Variants in RALGAPA1 observed in about 807,000 individuals in gnomAD.
RALGAPA1 encodes ral GTPase-activating protein subunit alpha-1.
Under a neutral mutation model 269.6 loss-of-function variants are expected in RALGAPA1, and 52 were observed. The ratio of observed to expected loss-of-function variants is 0.19; its 90% confidence interval spans 0.15 to 0.24. The LOEUF is 0.24. Among genes scored for constraint, RALGAPA1 ranks in the 10% least tolerant of loss-of-function variants. The pLI is 1.00. For missense variants in RALGAPA1, 1,917 were observed against 3,013.9 expected, an observed-to-expected ratio of 0.64 and a Z score of 8.52; for synonymous variants, 817 against 1,008.3, an observed-to-expected ratio of 0.81 and a Z score of 3.60.
At chr14:35,759,911 CAA>C (rs34611097) in intron 6 of RALGAPA1, among the ~76,000 whole-genome samples, 1,223 of 93,404 alleles carry the variant, frequency 0.013, 11 homozygotes, top group African/African-American at 0.038. Flanking sequence ...GATTCTATCT[CAA>C]AAAAAAAAAA....
intron 13 of RALGAPA1, among the ~76,000 whole-genome samples, chr14:35,725,445 C>A (rs1012252501): frequency 6.6e-6 from 1 of 152,092 alleles, no homozygotes; most frequent in Non-Finnish European, 1.5e-5. Context: ...GTCTCCGCAA[C>A]CACAAATTAA....
chr14:35,699,171 T>A (rs1486520555), intron 17 of RALGAPA1, among the ~76,000 whole-genome samples: 2 of 152,224 alleles, frequency 1.3e-5, no homozygotes, highest in African/African-American at 4.8e-5. Context: ...AATTATATTA[T>A]GGTTCCAAAG....
intron 35 of RALGAPA1, among the ~76,000 whole-genome samples, chr14:35,614,779 G>GA (rs978256645): frequency 6.6e-6 from 1 of 151,430 alleles, no homozygotes; most frequent in Non-Finnish European, 1.5e-5. Context: ...AATTGTGAAA[G>GA]AAAAAAAACT....
chr14:35,584,345 C>A (rs1011482900), intron 37 of RALGAPA1, among the ~76,000 whole-genome samples: 13 of 152,038 alleles, frequency 8.6e-5, no homozygotes, highest in Non-Finnish European at 1.6e-4. Flanking sequence ...CCCACTGCAG[C>A]CTCAACTTCC....
intron 41 of RALGAPA1, chr14:35,541,675 T>C (rs2054013958): frequency 4.4e-6 from 2 of 455,676 alleles, no homozygotes; most frequent in Middle Eastern, 3.3e-4. Flanking sequence ...CAGTAGTAGC[T>C]CATGCTTTTC....
Position 35,700,290 on chromosome 14 carries a change from C to T in RALGAPA1, c.2279G>A (p.Arg760Gln), listed in dbSNP as rs922175994. 15 of 1,521,674 alleles carry T rather than the reference C, an allele frequency of 9.9e-6. No homozygotes were observed. The highest frequency in any genetic ancestry group is 1.2e-5 in the Non-Finnish European group (14 of 1,141,638). 94.3% of individuals were successfully genotyped at this position (1,521,674 alleles called of 1,614,324 possible). ...TGGCAGAGCACATTCACCAATGGAT[C>T]GGCTTCTCATGGCTTTAAAAAAGGA... ...VRQKTVAMRSRSIGECALPSA... is the reference protein window; with the variant it reads ...VRQKTVAMRSQSIGECALPSA... The change falls in exon 17 of 42, where the codon CGA becomes CAA. Residue 760 changes from arginine (R) to glutamine (Q), a missense_variant. Around this residue, in one of 11 missense-constraint regions of RALGAPA1, gnomAD observed 125 missense variants for 155.7 expected, o/e 0.80. Coordinates refer to ENST00000680220, the MANE Select transcript of RALGAPA1 (RefSeq NM_001346249.2).
chr14:35,685,159 A>G lies in RALGAPA1; in HGVS notation c.4078-14T>C. ...TCTTGTCATAGTCTAAACGTTCAAG[A>G]AATATTTTACCATTAAGAAAAAGCT... On this transcript the variant is annotated splice_polypyrimidine_tract_variant and intron_variant, in intron 19 of 41. Transcript: ENST00000680220. 5 of 1,548,288 alleles carry G rather than the reference A, an allele frequency of 3.2e-6. No homozygotes were observed. The highest frequency in any genetic ancestry group is 4.4e-6 in the Non-Finnish European group (5 of 1,145,786).
At chr14:35,628,211 A>G (rs2061109443) in intron 33 of RALGAPA1, among the ~76,000 whole-genome samples, 1 of 152,284 alleles carries the variant, frequency 6.6e-6, no homozygotes, top group Middle Eastern at 3.4e-3. Context: ...CACTTTGAAG[A>G]ATCAGAAGTA....
intron 31 of RALGAPA1, among the ~76,000 whole-genome samples, chr14:35,637,634 T>C (rs1233339844): frequency 6.6e-6 from 1 of 152,076 alleles, no homozygotes; most frequent in South Asian, 2.1e-4. Flanking sequence ...AGGAGATAGA[T>C]TGGGATATAA....
chr14:35,803,684 T>C (rs902465903), intron 1 of RALGAPA1, among the ~76,000 whole-genome samples: 1 of 150,634 alleles, frequency 6.6e-6, no homozygotes, highest in African/African-American at 2.5e-5. Context: ...CAGGCTAGGG[T>C]GCAGTTGCAC....
At chr14:35,706,582 T>C (rs965046256) in intron 16 of RALGAPA1, 1 of 151,950 alleles carries the variant, frequency 6.6e-6, no homozygotes, top group Admixed American at 6.6e-5. Context: ...TCCTTCAATA[T>C]TGTGTTGACT....
intron 1 of RALGAPA1, among the ~76,000 whole-genome samples, chr14:35,800,168 A>G (rs2076867774): frequency 6.6e-6 from 1 of 152,256 alleles, no homozygotes; most frequent in African/African-American, 2.4e-5. Flanking sequence ...TTCTCTCAGT[A>G]CTTGATGAAA....
chr14:35,762,777 A>T, intron 4 of RALGAPA1, 24 bp from the exon 5 acceptor site: 1 of 1,304,386 alleles, frequency 7.7e-7, no homozygotes, highest in Non-Finnish European at 1.1e-6. Context: ...ATGATTTTAA[A>T]TATTCACATC....
chr14:35,791,488 TC>T (rs1484830924), intron 1 of RALGAPA1, among the ~76,000 whole-genome samples: 2 of 151,858 alleles, frequency 1.3e-5, no homozygotes, highest in African/African-American at 4.8e-5. Context: ...GCGCCTGTAA[TC>T]CCAGCAACTC....
intron 10 of RALGAPA1, among the ~76,000 whole-genome samples, chr14:35,747,106 G>A (rs1177177697): frequency 6.6e-6 from 1 of 151,920 alleles, no homozygotes; most frequent in Admixed American, 6.6e-5. Flanking sequence ...TTGAGGCCAG[G>A]AGTTCAAGAC....
In RALGAPA1 at chr14:35,803,198, A is replaced by G. The variant is rs1169026; in HGVS notation, c.106+5532T>C. Among the ~76,000 whole-genome samples, 687 of 152,332 alleles carry G rather than the reference A, an allele frequency of 4.5e-3. 2 individuals carry two copies. The highest frequency in any genetic ancestry group is 0.015 in the African/African-American group (617 of 41,584). On this transcript the variant is annotated intron_variant, in intron 1 of 41. Transcript: ENST00000680220. Reference sequence around the variant, plus strand: ...TAAGAGTCCAGAAATAGGCCCACACATATTTCTGGAAAACTAAATTTTGGC... The same window carrying G: ...TAAGAGTCCAGAAATAGGCCCACACGTATTTCTGGAAAACTAAATTTTGGC...
chr14:35,718,980 C>T lies in RALGAPA1; in HGVS notation c.2266+2708G>A, dbSNP rs184073280. Among the ~76,000 whole-genome samples, 381 of 152,004 alleles carry T rather than the reference C, an allele frequency of 2.5e-3. 1 individual carries two copies. The highest frequency in any genetic ancestry group is 8.6e-3 in the African/African-American group (358 of 41,474). On this transcript the variant is annotated intron_variant, in intron 16 of 41. Transcript: ENST00000680220. Reference sequence around the variant, plus strand: ...TCAGTCCTCCAAGTAGCTGGCACTACGGGCATGCGCCACCACACCCAGCTA... The same window carrying T: ...TCAGTCCTCCAAGTAGCTGGCACTATGGGCATGCGCCACCACACCCAGCTA...
chr14:35,621,413 G>A (rs1306190739), intron 35 of RALGAPA1, among the ~76,000 whole-genome samples: 2 of 152,162 alleles, frequency 1.3e-5, no homozygotes, highest in Non-Finnish European at 2.9e-5. Context: ...CAAAACCCTA[G>A]AAGAAAACCT....
chr14:35,586,216 T>C (rs932617638), intron 37 of RALGAPA1, among the ~76,000 whole-genome samples: 2 of 152,212 alleles, frequency 1.3e-5, no homozygotes, highest in African/African-American at 2.4e-5. Context: ...TTTGAAGCAA[T>C]AGTGAATGGG....
Sources: gnomAD v4.1 joint callset for allele counts (sites outside exome capture counted in the v4.1 genomes callset) on GRCh38, gnomAD v4.1.1 for gene constraint, gnomAD v4.1.1 regional missense constraint, MANE v1.5 for transcripts, NCBI Gene and HGNC (gene_info 2026-07-23, HGNC 2026-07-21) for gene names.